Variants in SLC13A4 observed in about 807,000 individuals in gnomAD.
SLC13A4 encodes the protein solute carrier family 13 member 4.
SLC13A4 carries 28 observed loss-of-function variants against 72.7 expected under a neutral mutation model. The observed-to-expected ratio is 0.39, with a 90% confidence interval of 0.29 to 0.53. SLC13A4 has a LOEUF of 0.53. Ranked by LOEUF, SLC13A4 falls within the 20% of genes least tolerant of loss-of-function variation. The pLI, the probability that SLC13A4 is intolerant of heterozygous loss-of-function variation, is 0.78. For missense variants in SLC13A4, 653 were observed against 788.0 expected, an observed-to-expected ratio of 0.83 and a Z score of 2.05; for synonymous variants, 312 against 325.5, an observed-to-expected ratio of 0.96 and a Z score of 0.45.
At chr7:135,709,167 G>A (rs757715293) in intron 2 of SLC13A4, among the ~76,000 whole-genome samples, 10 of 151,664 alleles carry the variant, frequency 6.6e-5, no homozygotes, top group Non-Finnish European at 1.5e-4. Context: ...TCCTGACCTC[G>A]TGATCCTCCT....
intron 1 of SLC13A4, among the ~76,000 whole-genome samples, chr7:135,725,357 A>C (rs1796633896): frequency 6.6e-6 from 1 of 152,176 alleles, no homozygotes; most frequent in Non-Finnish European, 1.5e-5. Context: ...CCTTTTAAAA[A>C]ATTTAGCTTG....
rs1246599753 is a variant in SLC13A4 at position 135,685,553 on chromosome 7, A to G, written c.1577T>C (p.Ile526Thr). ...GCACAGGATGGGCAGGAAGATGGTG[A>G]TGGTTGCTGGGTTGCTCACAAACTC... ...VTEFVSNPAT[I>T]TIFLPILCSL... Residue 526 changes from isoleucine (I) to threonine (T), a missense_variant, in exon 14 of 16, where the codon ATC (isoleucine) becomes ACC (threonine). By Grantham distance (89) the Ile-to-Thr change is moderately conservative. Coordinates refer to ENST00000682651, the MANE Select transcript of SLC13A4 (RefSeq NM_001318192.2). The G allele has an allele frequency of 3.1e-6, 5 of 1,614,034 alleles. No individual in the cohort carries two copies. Among genetic ancestry groups the G allele is most frequent in the Non-Finnish European group, 4.2e-6 (5 of 1,180,024 alleles).
chr7:135,692,292 T>A, intron 11 of SLC13A4, 31 bp downstream of exon 11: 1 of 1,474,996 alleles, frequency 6.8e-7, no homozygotes, highest in Non-Finnish European at 9.5e-7. Flanking sequence ...GGTGAGGGGG[T>A]TGTTCTTAAG....
intron 8 of SLC13A4, among the ~76,000 whole-genome samples, chr7:135,698,332 C>CT (rs1795950746): frequency 3.7e-5 from 3 of 80,662 alleles, no homozygotes; most frequent in African/African-American, 5.2e-5. Flanking sequence ...CGTGCTGGGA[C>CT]TCTTTTTTTT....
rs529940903 is a variant in SLC13A4, at chr7:135,711,963, A to ATTTTTTTTTTTTTTTTTTTTTTTTTTT, written c.229-3740_229-3714dup. Among the ~76,000 whole-genome samples, 3 of 46,900 alleles carry ATTTTTTTTTTTTTTTTTTTTTTTTTTT rather than the reference A, an allele frequency of 6.4e-5. 1 individual carries two copies. The highest frequency in any genetic ancestry group is 8.0e-5 in the Non-Finnish European group (2 of 25,102). 30.8% of individuals were successfully genotyped at this position (46,900 alleles called of 152,430 possible). ...CACTACACCTGGCTAATGTTTTTGG[A>ATTTTTTTTTTTTTTTTTTTTTTTTTTT]TTTTTTTTTTTTTTTTTTTTTTTTT... On this transcript the variant is annotated intron_variant, in intron 2 of 15. Coordinates refer to ENST00000682651, the MANE Select transcript of SLC13A4 (RefSeq NM_001318192.2).
chr7:135,683,956 T>C (rs905345824), intron 15 of SLC13A4, among the ~76,000 whole-genome samples, 168 bp downstream of exon 15: 1 of 152,198 alleles, frequency 6.6e-6, no homozygotes, highest in Non-Finnish European at 1.5e-5. Flanking sequence ...TTGGTGCTTA[T>C]AGACCAACAA....
Position 135,694,139 on chromosome 7 carries a change from A to C in SLC13A4, c.1119T>G (p.Ile373Met), listed in dbSNP as rs759508887. ...IQEEYEKLGD[I>M]SYPEMVTGFF... ...GAAGAGGAATGGCTGATTTTTACCT[A>C]ATGTCTCCCAGTTTTTCATATTCTT... Residue 373 changes from isoleucine (I) to methionine (M), a missense_variant and splice_region_variant, in exon 10 of 16, where the codon ATT becomes ATG. Physicochemically the swap from Ile to Met is conservative, Grantham distance 10. Transcript: ENST00000682651. 2 of 1,588,958 alleles carry C rather than the reference A, an allele frequency of 1.3e-6. No homozygotes were observed. The highest frequency in any genetic ancestry group is 1.7e-6 in the Non-Finnish European group (2 of 1,157,450).
intron 8 of SLC13A4, among the ~76,000 whole-genome samples, chr7:135,698,501 A>G (rs536062641): frequency 4.0e-4 from 59 of 146,060 alleles, no homozygotes; most frequent in Admixed American, 1.3e-3. Flanking sequence ...TGGCTGGTTA[A>G]CTTTTGTATT....
intron 12 of SLC13A4, 86 bp downstream of exon 12, chr7:135,691,462 G>T: frequency 1.3e-6 from 2 of 1,498,296 alleles, no homozygotes; most frequent in Non-Finnish European, 9.2e-7. Flanking sequence ...GGAATCTGAA[G>T]GACCTTGGTA....
Position 135,684,223 on chromosome 7 carries a change from G to C in SLC13A4, c.1647C>G (p.Ile549Met). The C allele has an allele frequency of 6.2e-7, 1 of 1,612,952 alleles. No homozygotes were observed. Among genetic ancestry groups the C allele is most frequent in the African/African-American group, 1.3e-5 (1 of 75,044 alleles). ...TLHINPLYTL[I>M]PVTMCISFAV... Reference sequence around the variant, plus strand: ...CAAAGGAGATGCACATGGTGACTGGGATCAGGGTGTAGAGGGGGTTAATGT... The same window carrying C: ...CAAAGGAGATGCACATGGTGACTGGCATCAGGGTGTAGAGGGGGTTAATGT... The change falls in exon 15 of 16, where the codon ATC becomes ATG. Residue 549 changes from isoleucine to methionine, a missense_variant. Coordinates refer to ENST00000682651, the MANE Select transcript of SLC13A4 (RefSeq NM_001318192.2).
rs1360799368 is a variant in SLC13A4, at chr7:135,727,475, G to T, written c.22C>A (p.Leu8Ile). ...ACCAGCAGCAGCTTCCGGACTCGGA[G>T]CAGGCCCTGCAGCAGGCCCATCGCG... MGLLQGL[L>I]RVRKLLLVVC... is the part of the protein sequence containing the mutation. Residue 8 changes from leucine to isoleucine, a missense_variant, in exon 1 of 16, where the codon CTC becomes ATC. Transcript: ENST00000682651. 6.4e-7 allele frequency: 1 copy of T among 1,550,418 alleles called. No individual in the cohort carries two copies. The highest frequency in any genetic ancestry group is 1.4e-5 in the African/African-American group (1 of 73,152).
intron 14 of SLC13A4, 108 bp downstream of exon 14, chr7:135,685,414 A>C: frequency 1.1e-6 from 1 of 897,094 alleles, no homozygotes; most frequent in Admixed American, 2.3e-5. Flanking sequence ...GGCTGTGGGC[A>C]GTAACCAGAG....
intron 2 of SLC13A4, among the ~76,000 whole-genome samples, chr7:135,715,228 AGTGTATGTGTGTAT>A (rs1317896125): frequency 7.6e-6 from 1 of 131,970 alleles, no homozygotes; most frequent in Non-Finnish European, 1.7e-5. Flanking sequence ...TGTATATGTG[AGTGTATGTGTGTAT>A]GTGTATGTGT....
At position 135,703,760 on chromosome 7, in the gene SLC13A4, G is replaced by A. The variant is rs75523330; in HGVS notation, c.594-876C>T. ...CACACACATGCGGGATGTGGGTCCT[G>A]CGGCCATGGTCCCTCTTCAGGCTCT... is the stretch of plus-strand genomic sequence containing the variant. On this transcript the variant is annotated intron_variant, in intron 5 of 15. Coordinates refer to ENST00000682651, the MANE Select transcript of SLC13A4 (RefSeq NM_001318192.2). 8.4e-3 allele frequency: 1,283 copies of A among 152,396 alleles called. 20 individuals are homozygous for A. Among genetic ancestry groups the A allele is most frequent in the East Asian group, 0.056 (292 of 5,184 alleles). 9.4% of individuals were successfully genotyped at this position (152,396 alleles called of 1,614,324 possible). A position where few individuals can be genotyped will look rare whatever the true frequency, so the allele number is the denominator to read the frequency against.
intron 15 of SLC13A4, chr7:135,683,429 A>G (rs1278619303): frequency 2.0e-6 from 2 of 984,146 alleles, no homozygotes; most frequent in Admixed American, 6.2e-5. Context: ...GGCTCCCATG[A>G]AAAAAAATTG....
chr7:135,709,429 A>ATTTTTTTT (rs1563166250), intron 2 of SLC13A4, among the ~76,000 whole-genome samples: 1 of 90,584 alleles, frequency 1.1e-5, no homozygotes, highest in African/African-American at 4.7e-5. Flanking sequence ...TTTTTTTAAA[A>ATTTTTTTT]AAAAATTTGA....
chr7:135,705,034 G>C (rs751294947), intron 5 of SLC13A4: 36 of 153,058 alleles, frequency 2.4e-4, no homozygotes, highest in Non-Finnish European at 3.8e-4. Context: ...CTTCCTCCAG[G>C]AATGTCTGAG....
intron 2 of SLC13A4, among the ~76,000 whole-genome samples, chr7:135,714,866 C>T (rs533866873): frequency 2.8e-4 from 42 of 152,374 alleles, no homozygotes; most frequent in African/African-American, 9.9e-4. Flanking sequence ...GTACTCCTCT[C>T]CTGCCCCTGC....
At chr7:135,718,535 C>T (rs1301922296) in intron 2 of SLC13A4, among the ~76,000 whole-genome samples, 1 of 149,236 alleles carries the variant, frequency 6.7e-6, no homozygotes, top group African/African-American at 2.5e-5. Flanking sequence ...GAGCACATGT[C>T]TATGAAAAGT....
Sources: allele counts gnomAD v4.1 joint callset (sites outside exome capture counted in the v4.1 genomes callset), GRCh38; gene constraint gnomAD v4.1.1; transcripts MANE v1.5; gene names NCBI Gene and HGNC (gene_info 2026-07-23, HGNC 2026-07-21).